The following KIAA0825 variants were observed in gnomAD, a reference collection of about 807,000 sequenced individuals.
The protein encoded by KIAA0825 is uncharacterized protein KIAA0825.
Under a neutral mutation model 147.6 loss-of-function variants are expected in KIAA0825, and 119 were observed. That is an observed-to-expected ratio of 0.81 (90% CI 0.69 to 0.94). The LOEUF is 0.94. Ranked by LOEUF, KIAA0825 falls within the 40% of genes least tolerant of loss-of-function variation. KIAA0825 has a pLI of 0.00. For missense variants in KIAA0825, 1,381 were observed against 1,472.7 expected, an observed-to-expected ratio of 0.94 and a Z score of 1.02; for synonymous variants, 470 against 518.1, an observed-to-expected ratio of 0.91 and a Z score of 1.26.
intron 10 of KIAA0825, among the ~76,000 whole-genome samples, chr5:94,469,585 T>C (rs1760970540): frequency 6.6e-6 from 1 of 152,196 alleles, no homozygotes; most frequent in South Asian, 2.1e-4. Context: ...TGGAAATGTA[T>C]AACAAGAAAA....
intron 2 of KIAA0825, chr5:94,568,963 A>G (rs1779292218): frequency 6.0e-6 from 1 of 166,858 alleles, no homozygotes; most frequent in African/African-American, 2.4e-5. Context: ...AGCACTCTCA[A>G]TTACAATATA....
chr5:94,199,119 C>T (rs1583825432), intron 20 of KIAA0825, among the ~76,000 whole-genome samples: 1 of 152,294 alleles, frequency 6.6e-6, no homozygotes, highest in Non-Finnish European at 1.5e-5. Flanking sequence ...AAGACACTCT[C>T]GCTTTTAGAG....
chr5:94,594,085 C>T (rs944467767), intron 1 of KIAA0825: 3 of 542,304 alleles, frequency 5.5e-6, no homozygotes, highest in South Asian at 4.2e-5. Flanking sequence ...ATTGGATCCT[C>T]TTATGTTAGT....
intron 17 of KIAA0825, among the ~76,000 whole-genome samples, chr5:94,393,804 G>C (rs1554270685): frequency 6.6e-6 from 1 of 151,382 alleles, no homozygotes; most frequent in Non-Finnish European, 1.5e-5. Context: ...AAGTGCACTT[G>C]TATAACAGAT....
chr5:94,285,176 C>T (rs1025163983), intron 20 of KIAA0825, among the ~76,000 whole-genome samples: 3 of 151,954 alleles, frequency 2.0e-5, no homozygotes, highest in South Asian at 2.1e-4. Flanking sequence ...TTGACTTCTC[C>T]AAAGAAAAGC....
At chr5:94,241,782 T>A (rs1775358133) in intron 20 of KIAA0825, among the ~76,000 whole-genome samples, 1 of 152,160 alleles carries the variant, frequency 6.6e-6, no homozygotes, top group Admixed American at 6.5e-5. Flanking sequence ...CCCAGAACAT[T>A]ATCTCAAATT....
rs1776958458 is a variant in KIAA0825, at chr5:94,271,048, T to C, written c.3710+113320A>G. 2.0e-5 allele frequency among the ~76,000 whole-genome samples: 3 copies of C among 152,130 alleles called. No individual in the cohort carries two copies. The South Asian group carries it at 6.2e-4, about 31-fold the overall frequency. ...AATGTATTAATAGAAGTATTAAGTATATGAAATATATTTTACTAGACAATT... is the reference window on the plus strand; with the variant it reads ...AATGTATTAATAGAAGTATTAAGTACATGAAATATATTTTACTAGACAATT... On this transcript the variant is annotated intron_variant, in intron 20 of 20. Transcript: ENST00000682413.
At chr5:94,470,341 G>A (rs561814525) in intron 9 of KIAA0825, among the ~76,000 whole-genome samples, 4 of 151,918 alleles carry the variant, frequency 2.6e-5, no homozygotes, top group East Asian at 3.9e-4. Context: ...CTACAAATAC[G>A]CACTTCAACT....
intron 5 of KIAA0825, among the ~76,000 whole-genome samples, chr5:94,500,048 C>T (rs925668991): frequency 1.3e-5 from 2 of 152,096 alleles, no homozygotes. Flanking sequence ...AGGTGGCACA[C>T]GCGACATCAT....
chr5:94,229,585 A>G (rs1774510529), intron 20 of KIAA0825, among the ~76,000 whole-genome samples: 1 of 139,474 alleles, frequency 7.2e-6, no homozygotes, highest in South Asian at 2.2e-4. Context: ...TGAAGGAGGG[A>G]CTCCTATTAT....
chr5:94,471,856 T>C, intron 8 of KIAA0825, 125 bp from the exon 9 acceptor site: 1 of 838,148 alleles, frequency 1.2e-6, no homozygotes, highest in Middle Eastern at 3.2e-4. Context: ...TGACGCAGCT[T>C]TGTAATAATC....
At chr5:94,281,371 C>T (rs1025665122) in intron 20 of KIAA0825, among the ~76,000 whole-genome samples, 3 of 152,056 alleles carry the variant, frequency 2.0e-5, no homozygotes, top group African/African-American at 4.8e-5. Flanking sequence ...CTTTCAACTA[C>T]AAGAATTCAC....
chr5:94,202,991 C>T (rs1368279052), intron 20 of KIAA0825, among the ~76,000 whole-genome samples: 1 of 152,068 alleles, frequency 6.6e-6, no homozygotes, highest in Admixed American at 6.6e-5. Context: ...GAACTGTACC[C>T]CTATCTGTCC....
At chr5:94,420,372 A>C (rs907345383) in intron 14 of KIAA0825, among the ~76,000 whole-genome samples, 1 of 152,126 alleles carries the variant, frequency 6.6e-6, no homozygotes, top group Admixed American at 6.5e-5. Context: ...AATAGTAAGA[A>C]TATGTTTGTG....
intron 10 of KIAA0825, among the ~76,000 whole-genome samples, chr5:94,469,017 A>G (rs1429731903): frequency 6.6e-6 from 1 of 152,224 alleles, no homozygotes; most frequent in East Asian, 1.9e-4. Context: ...CACATAATCA[A>G]TGAGATTTAG....
At chr5:94,308,823 C>G (rs1337920486) in intron 20 of KIAA0825, among the ~76,000 whole-genome samples, 1 of 151,318 alleles carries the variant, frequency 6.6e-6, no homozygotes, top group Non-Finnish European at 1.5e-5. Context: ...AAAGTCCTTT[C>G]CATTCAGGCC....
intron 12 of KIAA0825, among the ~76,000 whole-genome samples, chr5:94,455,153 T>C (rs1758932370): frequency 6.6e-6 from 1 of 151,888 alleles, no homozygotes; most frequent in South Asian, 2.1e-4. Flanking sequence ...CATAATGGTA[T>C]AGCCATAGCA....
intron 15 of KIAA0825, among the ~76,000 whole-genome samples, chr5:94,411,377 T>C (rs2150677859): frequency 6.6e-6 from 1 of 152,276 alleles, no homozygotes; most frequent in East Asian, 1.9e-4. Context: ...CAGAAATAGA[T>C]GCATCTATTT....
chr5:94,191,803 G>GA (rs142146606), intron 20 of KIAA0825, among the ~76,000 whole-genome samples: 2 of 152,346 alleles, frequency 1.3e-5, no homozygotes, highest in African/African-American at 4.8e-5. Flanking sequence ...CTATTCATCT[G>GA]AAATCAGCAT....
Sources: gnomAD v4.1 joint callset for allele counts (sites outside exome capture counted in the v4.1 genomes callset) on GRCh38, gnomAD v4.1.1 for gene constraint, MANE v1.5 for transcripts, NCBI Gene and HGNC (gene_info 2026-07-23, HGNC 2026-07-21) for gene names.